The following TCF12 variants were observed in gnomAD, a reference collection of about 807,000 sequenced individuals.
TCF12 encodes the protein DNA-binding protein HTF4.
TCF12 carries 45 observed loss-of-function variants against 86.0 expected under a neutral mutation model. That is an observed-to-expected ratio of 0.52 (90% CI 0.41 to 0.67). The LOEUF is 0.67. TCF12 is among the 30% of genes least tolerant of loss of function. TCF12 has a pLI of 0.00. For missense variants in TCF12, 881 were observed against 859.9 expected (o/e 1.02, Z -0.31); for synonymous variants, 330 against 299.6 (o/e 1.10, Z -1.05).
rs2062021951 is a variant in TCF12 at position 57,289,063 on chromosome 15, A to G, written c.*2918A>G. ...CAAGCAAGAACCTCAAACAAACTAG[A>G]CAAACTTTTTTTTTGACAGTGAATG... On this transcript the variant is annotated 3_prime_UTR_variant, in exon 21 of 21. Transcript: ENST00000333725. 1 of 152,156 alleles carries G rather than the reference A, an allele frequency of 6.6e-6. No homozygotes were observed. The highest frequency in any genetic ancestry group is 2.4e-5 in the African/African-American group (1 of 41,424). 9.4% of individuals were successfully genotyped at this position (152,156 alleles called of 1,614,324 possible).
chr15:57,205,759 CT>C (rs1229949111), intron 8 of TCF12, among the ~76,000 whole-genome samples: 3 of 152,174 alleles, frequency 2.0e-5, no homozygotes, highest in Non-Finnish European at 4.4e-5. Flanking sequence ...ACAGTAACCA[CT>C]GTTCAGAACA....
chr15:56,953,565 T>C (rs1269625455), intron 3 of TCF12, among the ~76,000 whole-genome samples: 1 of 151,996 alleles, frequency 6.6e-6, no homozygotes, highest in East Asian at 1.9e-4. Context: ...AGTTTTTCAT[T>C]GGAGGTTTTA....
At chr15:57,177,802 C>T (rs1435024940) in intron 6 of TCF12, among the ~76,000 whole-genome samples, 2 of 152,040 alleles carry the variant, frequency 1.3e-5, no homozygotes, top group African/African-American at 4.8e-5. Flanking sequence ...CTCACTGCAG[C>T]CTTGACCTCC....
intron 3 of TCF12, among the ~76,000 whole-genome samples, chr15:56,931,955 T>G (rs1429209128): frequency 6.6e-6 from 1 of 152,202 alleles, no homozygotes; most frequent in Non-Finnish European, 1.5e-5. Context: ...ACTTAAAGTT[T>G]GTAGGGGTTT....
At chr15:57,056,510 G>A (rs2068042180) in intron 3 of TCF12, among the ~76,000 whole-genome samples, 1 of 152,082 alleles carries the variant, frequency 6.6e-6, no homozygotes, top group Non-Finnish European at 1.5e-5. Context: ...CAAAGCTGGA[G>A]TGCAGTGATG....
chr15:56,957,627 A>G (rs1416397416), intron 3 of TCF12, among the ~76,000 whole-genome samples: 1 of 152,210 alleles, frequency 6.6e-6, no homozygotes, highest in Non-Finnish European at 1.5e-5. Context: ...TAACTAATTT[A>G]ACATCCTTGT....
At chr15:56,959,691 C>T (rs544632893) in intron 3 of TCF12, among the ~76,000 whole-genome samples, 4 of 152,094 alleles carry the variant, frequency 2.6e-5, no homozygotes, top group Non-Finnish European at 5.9e-5. Flanking sequence ...TGTTTTGACT[C>T]GGCTTTTTAA....
At position 56,934,494 on chromosome 15, in the gene TCF12, G is replaced by T. The variant is rs188281817; in HGVS notation, c.148+13396G>T. ...ACTTAGTCATATCCATGAATGACAGGACTTGGATCTGTCTGCTGATGACGC... is the reference window on the plus strand; with the variant it reads ...ACTTAGTCATATCCATGAATGACAGTACTTGGATCTGTCTGCTGATGACGC... On this transcript the variant is annotated intron_variant, in intron 3 of 20. Coordinates refer to ENST00000333725, the MANE Select transcript of TCF12 (RefSeq NM_207037.2). Among the ~76,000 whole-genome samples the T allele has an allele frequency of 2.5e-4, 38 of 152,264 alleles. No homozygotes were observed. The East Asian group carries it at 6.8e-3, about 27-fold the overall frequency.
intron 5 of TCF12, among the ~76,000 whole-genome samples, chr15:57,132,314 C>T (rs1022699041): frequency 6.6e-6 from 1 of 152,084 alleles, no homozygotes; most frequent in African/African-American, 2.4e-5. Context: ...GCCTTTTGTG[C>T]AAAGTGTAGT....
At chr15:57,220,894 A>AG (rs530147562) in intron 8 of TCF12, among the ~76,000 whole-genome samples, 1 of 151,980 alleles carries the variant, frequency 6.6e-6, no homozygotes, top group Admixed American at 6.6e-5. Context: ...GGCTTAGTGA[A>AG]GGGGGGGAGA....
chr15:57,205,941 T>C lies in TCF12; in HGVS notation c.579+8116T>C, dbSNP rs554823444. On this transcript the variant is annotated intron_variant, in intron 8 of 20. Coordinates refer to ENST00000333725, the MANE Select transcript of TCF12 (RefSeq NM_207037.2). ...TGGCTGTATACAGTGATACTTGTTA[T>C]TGTTATTTTCTGACTTCTCTATTCC... is the stretch of plus-strand genomic sequence containing the variant. Among the ~76,000 whole-genome samples the C allele has an allele frequency of 1.4e-4, 22 of 152,338 alleles. No individual in the cohort carries two copies. The South Asian group carries it at 4.6e-3, about 32-fold the overall frequency.
chr15:57,089,063 T>G (rs1440549613), intron 4 of TCF12, among the ~76,000 whole-genome samples: 1 of 152,194 alleles, frequency 6.6e-6, no homozygotes, highest in African/African-American at 2.4e-5. Context: ...AAGTGAAGTT[T>G]TGGTGTACAG....
chr15:57,146,491 A>T (rs967590827), intron 5 of TCF12, among the ~76,000 whole-genome samples: 1 of 152,138 alleles, frequency 6.6e-6, no homozygotes, highest in African/African-American at 2.4e-5. Context: ...ATCAAGTTCT[A>T]TTTATTTCTG....
chr15:57,202,887 A>G (rs1269523718), intron 8 of TCF12, among the ~76,000 whole-genome samples: 41 of 152,140 alleles, frequency 2.7e-4, no homozygotes, highest in Admixed American at 2.6e-3. Context: ...TATCCTAGAT[A>G]CTCAGTAAAT....
chr15:57,219,689 C>G (rs1388428906), intron 8 of TCF12: 10 of 1,036,814 alleles, frequency 9.6e-6, no homozygotes, highest in Non-Finnish European at 1.4e-5. Flanking sequence ...TTTGTTTTAT[C>G]CTTTTATGCA....
intron 5 of TCF12, among the ~76,000 whole-genome samples, chr15:57,097,502 G>A (rs1430726073): frequency 5.3e-5 from 8 of 151,804 alleles, no homozygotes; most frequent in African/African-American, 1.7e-4. Context: ...ATTCCAGCCT[G>A]GGCAACAGAT....
chr15:57,262,386 A>G (rs1264702350), intron 17 of TCF12, among the ~76,000 whole-genome samples, 178 bp downstream of exon 17: 6 of 152,170 alleles, frequency 3.9e-5, no homozygotes, highest in African/African-American at 1.4e-4. Flanking sequence ...GTTGACAATT[A>G]CAGATACTTA....
At chr15:57,136,156 T>C (rs1810061690) in intron 5 of TCF12, among the ~76,000 whole-genome samples, 1 of 152,228 alleles carries the variant, frequency 6.6e-6, no homozygotes, top group Non-Finnish European at 1.5e-5. Flanking sequence ...CATTAGGTAA[T>C]GTGCTGTCTC....
chr15:57,246,200 A>G lies in TCF12; in HGVS notation c.1114+2650A>G, dbSNP rs868570350. ...TTTTTGAGCATCAGTTAGACTTAGC[A>G]CAGGTCTTTTAAAGATAGATACACA... On this transcript the variant is annotated intron_variant, in intron 13 of 20. Coordinates refer to ENST00000333725, the MANE Select transcript of TCF12 (RefSeq NM_207037.2). Among the ~76,000 whole-genome samples, 4 of 152,286 alleles carry G rather than the reference A, an allele frequency of 2.6e-5. No individual in the cohort carries two copies. In the South Asian group the frequency reaches 6.2e-4, roughly 24 times the overall value.
Sources: allele counts gnomAD v4.1 joint callset (sites outside exome capture counted in the v4.1 genomes callset), GRCh38; gene constraint gnomAD v4.1.1; transcripts MANE v1.5; gene names NCBI Gene and HGNC (gene_info 2026-07-23, HGNC 2026-07-21).